The following ELMOD1 variants were observed in gnomAD, a reference collection of about 807,000 sequenced individuals.
ELMOD1 encodes the protein ELMO domain containing 1, also known as ELMO domain-containing protein 1.
Under a neutral mutation model 46.7 loss-of-function variants are expected in ELMOD1, and 21 were observed. The observed-to-expected ratio is 0.45, with a 90% CI of 0.32 to 0.65. The LOEUF (loss-of-function observed/expected upper bound fraction) is 0.65, where lower values mean the gene tolerates loss of function less well. Ranked by LOEUF, ELMOD1 falls within the 30% of genes least tolerant of loss-of-function variation. The pLI is 0.04. For synonymous variants in ELMOD1, 122 were observed against 138.2 expected, an observed-to-expected ratio of 0.88 and a Z score of 0.82; for missense variants, 348 against 407.8, an observed-to-expected ratio of 0.85 and a Z score of 1.26.
At position 107,666,237 on chromosome 11, in the gene ELMOD1, A is replaced by T. The variant is rs952787206; in HGVS notation, c.*1040A>T. 7 of 152,188 alleles carry T rather than the reference A, an allele frequency of 4.6e-5. No homozygotes were observed. The highest frequency in any genetic ancestry group is 1.7e-4 in the African/African-American group (7 of 41,444). The allele number at this position is 152,188 out of a possible 1,614,324, so 9.4% of individuals were successfully genotyped here. On this transcript the variant is annotated 3_prime_UTR_variant, in exon 12 of 12. Transcript: ENST00000265840. ...TTCATTGGCTTGGATGCCTAAGTGT[A>T]TGATGCTTGAAGCCTCAGAAAAGAA... is the stretch of plus-strand genomic sequence containing the variant.
chr11:107,624,140 C>G (rs770993286), intron 2 of ELMOD1, among the ~76,000 whole-genome samples: 3 of 152,070 alleles, frequency 2.0e-5, no homozygotes, highest in Non-Finnish European at 2.9e-5. Context: ...GATGATGGAG[C>G]ATGAATAATA....
At chr11:107,593,439 G>C (rs1865439284) in intron 1 of ELMOD1, among the ~76,000 whole-genome samples, 1 of 152,158 alleles carries the variant, frequency 6.6e-6, no homozygotes, top group Non-Finnish European at 1.5e-5. Context: ...GACAAAATAA[G>C]TGAAAATGTC....
intron 7 of ELMOD1, 120 bp downstream of exon 7, chr11:107,647,721 T>G: frequency 2.0e-6 from 2 of 1,015,172 alleles, no homozygotes; most frequent in Non-Finnish European, 2.7e-6. Context: ...AAGAAAACAT[T>G]CAAGTCCCCT....
At chr11:107,591,664 C>G in intron 1 of ELMOD1, 1 of 363,990 alleles carries the variant, frequency 2.7e-6, no homozygotes, top group Non-Finnish European at 5.7e-6. Flanking sequence ...GGCTGCAGGT[C>G]GGCGCGAGAG....
chr11:107,665,144 G>T lies in ELMOD1; in HGVS notation c.952G>T (p.Asp318Tyr). The T allele has an allele frequency of 6.2e-7, 1 of 1,614,014 alleles. No individual in the cohort carries two copies. The highest frequency in any genetic ancestry group is 1.3e-5 in the African/African-American group (1 of 75,044). ...KRIIKQLQNPDMALCPHFAAS... is the reference protein window; with the variant it reads ...KRIIKQLQNPYMALCPHFAAS... The stretch of plus-strand genomic sequence containing the variant: ...GATCATCAAACAGCTGCAGAACCCA[G>T]ACATGGCGCTGTGCCCACATTTTGC... Residue 318 changes from aspartate (D) to tyrosine (Y), a missense_variant, in exon 12 of 12, where the codon GAC becomes TAC. Transcript: ENST00000265840.
intron 11 of ELMOD1, among the ~76,000 whole-genome samples, chr11:107,659,843 C>G (rs1365488358): frequency 6.6e-6 from 1 of 152,162 alleles, no homozygotes; most frequent in East Asian, 1.9e-4. Context: ...AGGACCATCA[C>G]TTGAGCCCAG....
At chr11:107,639,861 A>G (rs1048487936) in intron 6 of ELMOD1, among the ~76,000 whole-genome samples, 1 of 152,138 alleles carries the variant, frequency 6.6e-6, no homozygotes, top group Admixed American at 6.6e-5. Flanking sequence ...CCCCACCATA[A>G]GCCCACCACC....
chr11:107,591,945 C>T (rs751934693), intron 1 of ELMOD1: 5 of 516,812 alleles, frequency 9.7e-6, no homozygotes, highest in South Asian at 5.9e-5. Context: ...AGCTGCGCCT[C>T]CTCCAACTGC....
intron 1 of ELMOD1, 21 bp downstream of exon 1, chr11:107,591,430 A>T (rs904503291): frequency 6.4e-6 from 1 of 156,478 alleles, no homozygotes; most frequent in East Asian, 1.9e-4. Context: ...ACCCCAGAGG[A>T]GCCTAGGGAG....
At chr11:107,664,751 C>G (rs981192715) in intron 11 of ELMOD1, among the ~76,000 whole-genome samples, 3 of 151,798 alleles carry the variant, frequency 2.0e-5, no homozygotes, top group African/African-American at 7.3e-5. Context: ...GATTCATACT[C>G]AAGAGATGGC....
chr11:107,643,624 C>A, intron 6 of ELMOD1: 1 of 531,822 alleles, frequency 1.9e-6, no homozygotes, highest in South Asian at 1.4e-5. Context: ...GGCATTCAGT[C>A]TGAAGTTTGA....
intron 6 of ELMOD1, among the ~76,000 whole-genome samples, chr11:107,646,823 G>A (rs903522763): frequency 1.3e-5 from 2 of 150,476 alleles, no homozygotes; most frequent in African/African-American, 2.4e-5. Flanking sequence ...TAACATTAAA[G>A]CATTTTCCCA....
At chr11:107,660,653 T>C (rs945260306) in intron 11 of ELMOD1, among the ~76,000 whole-genome samples, 3 of 152,204 alleles carry the variant, frequency 2.0e-5, no homozygotes, top group African/African-American at 7.2e-5. Flanking sequence ...GTACCTGTTA[T>C]TGTAGACCAT....
chr11:107,657,946 T>C (rs526626), intron 11 of ELMOD1, among the ~76,000 whole-genome samples: 36,649 of 152,164 alleles, frequency 0.24, 8,905 homozygotes, highest in African/African-American at 0.62. Context: ...TTGGCATATA[T>C]AGAAGACAGT....
chr11:107,633,227 C>G (rs1224071277), intron 5 of ELMOD1, among the ~76,000 whole-genome samples: 2 of 152,008 alleles, frequency 1.3e-5, no homozygotes, highest in African/African-American at 2.4e-5. Context: ...GATTCTAGTG[C>G]CTTTTTTACA....
intron 11 of ELMOD1, among the ~76,000 whole-genome samples, chr11:107,657,117 T>C (rs1023879537): frequency 6.6e-5 from 10 of 152,178 alleles, no homozygotes; most frequent in African/African-American, 2.4e-4. Flanking sequence ...GTTCTAATCA[T>C]TGTGAAATTT....
chr11:107,643,814 C>T (rs1261025634), intron 6 of ELMOD1: 5 of 326,426 alleles, frequency 1.5e-5, no homozygotes, highest in Non-Finnish European at 3.1e-5. Flanking sequence ...AAAGAATCGT[C>T]AGGCCAGGTG....
chr11:107,626,600 A>C (rs1287569407), intron 2 of ELMOD1, among the ~76,000 whole-genome samples: 7 of 50,594 alleles, frequency 1.4e-4, no homozygotes, highest in East Asian at 6.0e-4. Flanking sequence ...TTTCCTTCTT[A>C]TCTTCTTTCC....
intron 1 of ELMOD1, among the ~76,000 whole-genome samples, chr11:107,613,759 A>G (rs118085819): frequency 7.3e-4 from 111 of 152,354 alleles, no homozygotes; most frequent in Non-Finnish European, 1.4e-3. Flanking sequence ...ATTCTTTACT[A>G]CCTTAGTTGC....
Sources: allele counts gnomAD v4.1 joint callset (sites outside exome capture counted in the v4.1 genomes callset), GRCh38; gene constraint gnomAD v4.1.1; transcripts MANE v1.5; gene names NCBI Gene and HGNC (gene_info 2026-07-23, HGNC 2026-07-21).